ANKRD24: variants seen among roughly 807,000 people sequenced by gnomAD.
ANKRD24 encodes the protein ankyrin repeat domain-containing protein 24.
A neutral mutation model predicts 127.8 loss-of-function variants in ANKRD24; 109 were observed. The observed-to-expected ratio is 0.85, with a 90% CI of 0.73 to 1.00. ANKRD24 has a LOEUF of 1.00. Ranked by LOEUF, ANKRD24 falls within the 50% of genes least tolerant of loss-of-function variation. The probability of loss-of-function intolerance (pLI) is 0.00; values close to 1 mark genes in which losing one functional copy is unlikely to be tolerated. For missense variants in ANKRD24, 1,648 were observed against 1,570.2 expected (o/e 1.05, Z -0.84); for synonymous variants, 743 against 671.1 (o/e 1.11, Z -1.66).
rs141690693 is a variant in ANKRD24, at chr19:4,216,658, C to A, written c.1498C>A (p.Arg500Ser). Residue 500 changes from arginine to serine, a missense_variant, in exon 18 of 22, where the codon CGC becomes AGC. Coordinates refer to ENST00000318934, the MANE Select transcript of ANKRD24 (RefSeq NM_001393985.1). ...DSLRAEFDQLRRQHAEALQAL... is the reference protein window; with the variant it reads ...DSLRAEFDQLSRQHAEALQAL... ...TCTCCGGGCCGAGTTTGACCAGCTA[C>A]GCAGGCAGCACGCTGAGGCCCTGCA... The A allele has an allele frequency of 1.2e-6, 2 of 1,601,906 alleles. No individual in the cohort carries two copies. The highest frequency in any genetic ancestry group is 1.7e-5 in the Admixed American group (1 of 57,782).
At position 4,186,462 on chromosome 19, in the gene ANKRD24, G is replaced by A. The variant is rs754677400; in HGVS notation, c.36+1G>A. ...CAGGGCGCGATTTAAGAAGACAGAG[G>A]TGAGTGTGAGGCCCTAGATGCCCGA... On this transcript the variant is annotated splice_donor_variant, in intron 2 of 21. Coordinates refer to ENST00000318934, the MANE Select transcript of ANKRD24 (RefSeq NM_001393985.1). LOFTEE classifies it high-confidence loss of function. 2.5e-6 allele frequency: 4 copies of A among 1,592,326 alleles called. No individual in the cohort carries two copies. Among genetic ancestry groups the A allele is most frequent in the Admixed American group, 1.7e-5 (1 of 57,272 alleles).
At position 4,222,756 on chromosome 19, in the gene ANKRD24, T is replaced by C. The variant is rs747268266; in HGVS notation, c.3258T>C (p.Ala1086=). ...CCCTCGCCACCCCTGAGGTGGAGGC[T>C]CTCCGTGACCAGGTGAAGGATTTAC... The part of the protein sequence containing the change: ...PAALATPEVE[A]LRDQVKDLQQ... The change falls in exon 20 of 22, where the codon GCT becomes GCC. Residue 1086 remains alanine (A), a synonymous_variant. Coordinates refer to ENST00000318934, the MANE Select transcript of ANKRD24 (RefSeq NM_001393985.1). The C allele has an allele frequency of 1.9e-6, 3 of 1,611,406 alleles. No individual in the cohort carries two copies. The highest frequency in any genetic ancestry group is 2.5e-6 in the Non-Finnish European group (3 of 1,178,332).
At position 4,217,870 on chromosome 19, in the gene ANKRD24, G is replaced by A. The variant is rs1460679971; in HGVS notation, c.2710G>A (p.Glu904Lys). 4.1e-6 allele frequency: 6 copies of A among 1,459,096 alleles called. No homozygotes were observed. Among genetic ancestry groups the A allele is most frequent in the Non-Finnish European group, 5.4e-6 (6 of 1,112,454 alleles). 90.4% of individuals were successfully genotyped at this position (1,459,096 alleles called of 1,614,324 possible). Residue 904 changes from glutamate (E) to lysine (K), a missense_variant, in exon 18 of 22, where the codon GAG becomes AAG. Coordinates refer to ENST00000318934, the MANE Select transcript of ANKRD24 (RefSeq NM_001393985.1). ...EARQGLAELR[E>K]ASEALRQSVV... is the part of the protein sequence containing the mutation. ...GCGGCAGGGCCTGGCCGAGCTGCGG[G>A]AGGCCTCCGAGGCCCTCCGCCAGTC...
At chr19:4,186,114 G>A (rs1428511114) in intron 1 of ANKRD24, among the ~76,000 whole-genome samples, 6 of 152,198 alleles carry the variant, frequency 3.9e-5, no homozygotes, top group Non-Finnish European at 7.3e-5. Flanking sequence ...TGTTTGGCCA[G>A]GCTCTGTGTA....
intron 1 of ANKRD24, among the ~76,000 whole-genome samples, chr19:4,185,160 A>G (rs1228165207): frequency 6.8e-6 from 1 of 147,968 alleles, no homozygotes; most frequent in Non-Finnish European, 1.5e-5. Flanking sequence ...GGATGAAGGG[A>G]TGGATAAGTG....
chr19:4,204,757 T>G (rs1485838206), intron 7 of ANKRD24, among the ~76,000 whole-genome samples: 1 of 152,182 alleles, frequency 6.6e-6, no homozygotes, highest in Non-Finnish European at 1.5e-5. Flanking sequence ...TGGGTGAGAA[T>G]TCTCTGCAGT....
rs575174292 is a variant in ANKRD24 at position 4,195,898 on chromosome 19, G to GA, written c.37-3778dup. Reference sequence around the variant, plus strand: ...GGAAGAGCAAGACTCCGTCTCAAAAGAAAAAAAGTAAAAGTCTAAGAATAA... The same window carrying GA: ...GGAAGAGCAAGACTCCGTCTCAAAAGAAAAAAAAGTAAAAGTCTAAGAATAA... On this transcript the variant is annotated intron_variant, in intron 2 of 21. Coordinates refer to ENST00000318934, the MANE Select transcript of ANKRD24 (RefSeq NM_001393985.1). The surrounding 1 kb of genome is among the most constrained non-coding windows in gnomAD (Gnocchi z 4.2). 2.7e-3 allele frequency among the ~76,000 whole-genome samples: 406 copies of GA among 152,090 alleles called. 2 individuals are homozygous for GA. The highest frequency in any genetic ancestry group is 8.6e-3 in the African/African-American group (358 of 41,496).
chr19:4,202,215 C>G (rs556960673), intron 6 of ANKRD24, 125 bp downstream of exon 6: 52 of 843,614 alleles, frequency 6.2e-5, no homozygotes, highest in Non-Finnish European at 9.1e-5. Context: ...CTCCAGAACC[C>G]TAGCTACTCC....
rs1473256690 is a variant in ANKRD24, at chr19:4,224,441, A to C, written c.3377A>C (p.Glu1126Ala). 6.2e-7 allele frequency: 1 copy of C among 1,613,556 alleles called. No individual in the cohort carries two copies. The highest frequency in any genetic ancestry group is 1.7e-5 in the Admixed American group (1 of 59,910). ...CCCCAACCCTAGGGCCAGATGGATGAAGATGTGCAGCGGATTCTCAGCCAG... is the reference window on the plus strand; with the variant it reads ...CCCCAACCCTAGGGCCAGATGGATGCAGATGTGCAGCGGATTCTCAGCCAG... ...LLYAIQGQMDEDVQRILSQIL... is the reference protein window; with the variant it reads ...LLYAIQGQMDADVQRILSQIL... Residue 1126 changes from glutamate (E) to alanine (A), a missense_variant, in exon 22 of 22, where the codon GAA (glutamate) becomes GCA (alanine). By Grantham distance (107) the Glu-to-Ala change is moderately radical. Coordinates refer to ENST00000318934, the MANE Select transcript of ANKRD24 (RefSeq NM_001393985.1).
At position 4,198,228 on chromosome 19, in the gene ANKRD24, G is replaced by A. The variant is rs902240993; in HGVS notation, c.37-1455G>A. On this transcript the variant is annotated intron_variant, in intron 2 of 21. Transcript: ENST00000318934. The surrounding 1 kb of genome is among the most constrained non-coding windows in gnomAD (Gnocchi z 6.1). ...CCAGGCGACAAGGTCAGGAGGGGCC[G>A]GGGCGGCGCCCCTTCCCTCAGCCCC... 4 of 515,882 alleles carry A rather than the reference G, an allele frequency of 7.8e-6. No homozygotes were observed. The highest frequency in any genetic ancestry group is 6.9e-5 in the East Asian group (2 of 28,884). 32.0% of individuals were successfully genotyped at this position (515,882 alleles called of 1,614,324 possible).
At chr19:4,220,188 G>C (rs574349160) in intron 19 of ANKRD24, among the ~76,000 whole-genome samples, 1 of 152,210 alleles carries the variant, frequency 6.6e-6, no homozygotes, top group South Asian at 2.1e-4. Context: ...GGCCAGGCTG[G>C]TCTCGAACTC....
rs373359152 is a variant in ANKRD24, at chr19:4,224,484, A to T, written c.3420A>T (p.Arg1140Ser). The T allele has an allele frequency of 1.2e-6, 2 of 1,610,788 alleles. No individual in the cohort carries two copies. Among genetic ancestry groups the T allele is most frequent in the African/African-American group, 2.7e-5 (2 of 74,660 alleles). The change falls in exon 22 of 22, where the codon AGA (arginine) becomes AGT (serine). Residue 1140 changes from arginine (R) to serine (S), a missense_variant. Arg to Ser is a moderately radical substitution (Grantham distance 110). Coordinates refer to ENST00000318934, the MANE Select transcript of ANKRD24 (RefSeq NM_001393985.1). Reference protein sequence around the residue: ...RILSQILQMQRLQAQGR With the variant: ...RILSQILQMQSLQAQGR The stretch of plus-strand genomic sequence containing the variant: ...TCAGCCAGATTCTGCAGATGCAGAG[A>T]CTCCAGGCTCAGGGCCGCTGAGAAA...
At position 4,208,787 on chromosome 19, in the gene ANKRD24, G is replaced by C; in HGVS notation, c.856G>C (p.Glu286Gln). ...PSALTEDDSG[E>Q]ASSQNSMSSH... ...AGCCCTCACAGAGGATGATTCAGGC[G>C]AGGCGTCATCTCAGGTATGGACCCC... The change falls in exon 11 of 22, where the codon GAG (glutamate) becomes CAG (glutamine). Residue 286 changes from glutamate to glutamine, a missense_variant. Physicochemically the swap from Glu to Gln is conservative, Grantham distance 29 (BLOSUM62 2). Coordinates refer to ENST00000318934, the MANE Select transcript of ANKRD24 (RefSeq NM_001393985.1). 1 of 1,613,262 alleles carries C rather than the reference G, an allele frequency of 6.2e-7. No individual in the cohort carries two copies. Among genetic ancestry groups the C allele is most frequent in the East Asian group, 2.2e-5 (1 of 44,846 alleles).
rs1968927030 is a variant in ANKRD24 at position 4,198,881 on chromosome 19, A to T, written c.37-802A>T. Among the ~76,000 whole-genome samples the T allele has an allele frequency of 6.6e-6, 1 of 152,122 alleles. No individual in the cohort carries two copies. Among genetic ancestry groups the T allele is most frequent in the Admixed American group, 6.5e-5 (1 of 15,272 alleles). Reference sequence around the variant, plus strand: ...TTTTGGGAGAGCCGATTTTGCGAAGAGGTAATGATTTGGAGAACAGTTTGG... The same window carrying T: ...TTTTGGGAGAGCCGATTTTGCGAAGTGGTAATGATTTGGAGAACAGTTTGG... On this transcript the variant is annotated intron_variant, in intron 2 of 21. Transcript: ENST00000318934. This position sits in a 1 kb window ranked among gnomAD's most constrained non-coding sequence, Gnocchi z 6.1.
chr19:4,214,898 G>A (rs1287246864), intron 15 of ANKRD24, among the ~76,000 whole-genome samples: 1 of 152,108 alleles, frequency 6.6e-6, no homozygotes, highest in Non-Finnish European at 1.5e-5. Flanking sequence ...CATAGTCACA[G>A]GAAGGGAGGG....
chr19:4,208,680 GC>G (rs980712621), intron 10 of ANKRD24, 83 bp from the exon 11 acceptor site: 42 of 1,343,442 alleles, frequency 3.1e-5, no homozygotes, highest in Non-Finnish European at 4.3e-5. Flanking sequence ...GAAATCGGGA[GC>G]CCCCTACAAG....
intron 5 of ANKRD24, among the ~76,000 whole-genome samples, chr19:4,201,801 C>G (rs1272053420): frequency 1.3e-5 from 2 of 152,088 alleles, no homozygotes; most frequent in Non-Finnish European, 2.9e-5. Context: ...ACAGGAGGAT[C>G]GCTTGAGCCT....
rs376111459 is a variant in ANKRD24 at position 4,218,141 on chromosome 19, A to C, written c.2981A>C (p.Lys994Thr). 505 of 1,526,536 alleles carry C rather than the reference A, an allele frequency of 3.3e-4. No homozygotes were observed. Among genetic ancestry groups the C allele is most frequent in the Non-Finnish European group, 4.2e-4 (480 of 1,137,610 alleles). The allele number at this position is 1,526,536 out of a possible 1,614,324, so 94.6% of individuals were successfully genotyped here. A position where few individuals can be genotyped will look rare whatever the true frequency, so the allele number is the denominator to read the frequency against. Residue 994 changes from lysine (K) to threonine (T), a missense_variant, in exon 18 of 22, where the codon AAG (lysine) becomes ACG (threonine). By Grantham distance (78) the Lys-to-Thr change is moderately conservative (BLOSUM62 -1). Transcript: ENST00000318934. ...QLEELGRRHE[K>T]TSAEVFQVQR... ...GAGGAGCTGGGACGGCGGCATGAGA[A>C]GACCAGCGCAGAGGTCTTCCAGGTG...
rs918478237 is a variant in ANKRD24, at chr19:4,214,288, C to T, written c.1197+1590C>T. Among the ~76,000 whole-genome samples, 3 of 152,040 alleles carry T rather than the reference C, an allele frequency of 2.0e-5. No homozygotes were observed. The East Asian group carries it at 5.8e-4, about 29-fold the overall frequency. ...CCTCAAGCAATCCTCTCACCTCAGC[C>T]TCCCGAGTAGCTGGGACCACAGGCA... On this transcript the variant is annotated intron_variant, in intron 15 of 21. Transcript: ENST00000318934.
Sources: gnomAD v4.1 joint callset for allele counts (sites outside exome capture counted in the v4.1 genomes callset) on GRCh38, gnomAD v4.1.1 for gene constraint, Gnocchi (gnomAD v3.1) non-coding constraint, MANE v1.5 for transcripts, NCBI Gene and HGNC (gene_info 2026-07-23, HGNC 2026-07-21) for gene names.